ABCD2: variants seen among roughly 807,000 people sequenced by gnomAD.
ABCD2 encodes ATP-binding cassette sub-family D member 2.
In ABCD2, 36 loss-of-function variants were observed where a neutral mutation model predicts 70.9. The observed-to-expected ratio is 0.51, with a 90% confidence interval of 0.39 to 0.67. The LOEUF (loss-of-function observed/expected upper bound fraction) is 0.67, where lower values mean the gene tolerates loss of function less well. Among genes scored for constraint, ABCD2 ranks in the 30% least tolerant of loss-of-function variants. The pLI is 0.00. For missense variants in ABCD2, 729 were observed against 890.2 expected, an observed-to-expected ratio of 0.82 and a Z score of 2.30; for synonymous variants, 304 against 306.9, an observed-to-expected ratio of 0.99 and a Z score of 0.10.
the ABCD2 span, among the ~76,000 whole-genome samples, chr12:39,539,013 C>G: frequency 6.6e-6 from 1 of 152,192 alleles, no homozygotes; most frequent in African/African-American, 2.4e-5. Context: ...CTCATTAAAA[C>G]AGCATGTTGC....
intron 2 of ABCD2, among the ~76,000 whole-genome samples, chr12:39,611,824 T>A (rs1942048634): frequency 6.6e-6 from 1 of 152,096 alleles, no homozygotes; most frequent in African/African-American, 2.4e-5. Flanking sequence ...TGTGTGTGTG[T>A]GTGGTGTGCA....
intron 2 of ABCD2, among the ~76,000 whole-genome samples, chr12:39,609,082 G>A (rs1942011231): frequency 6.6e-6 from 1 of 152,014 alleles, no homozygotes; most frequent in Non-Finnish European, 1.5e-5. Context: ...TTCTTTGAAG[G>A]TCAAGACTGT....
At chr12:39,566,142 A>G (rs1185425748) in intron 9 of ABCD2, among the ~76,000 whole-genome samples, 1 of 152,198 alleles carries the variant, frequency 6.6e-6, no homozygotes, top group Non-Finnish European at 1.5e-5. Context: ...TGCTGGCCTC[A>G]TAAAATGAGT....
intron 8 of ABCD2, among the ~76,000 whole-genome samples, chr12:39,579,219 G>A (rs376957776): frequency 1.2e-4 from 18 of 152,032 alleles, no homozygotes; most frequent in South Asian, 6.2e-4. Flanking sequence ...AAAATTAGCC[G>A]GGCGTGGTGG....
chr12:39,574,791 A>C (rs1366543912), intron 8 of ABCD2, among the ~76,000 whole-genome samples: 1 of 152,158 alleles, frequency 6.6e-6, no homozygotes, highest in Admixed American at 6.6e-5. Context: ...AAAAATGAAA[A>C]TCAGTAATTT....
chr12:39,604,077 G>A (rs577519058), intron 4 of ABCD2, 71 bp from the exon 5 acceptor site: 89 of 1,028,210 alleles, frequency 8.7e-5, no homozygotes, highest in Non-Finnish European at 1.3e-4. Flanking sequence ...AAATTATTAT[G>A]CAGTATAACA....
chr12:39,583,046 G>A (rs1379286399), intron 7 of ABCD2, among the ~76,000 whole-genome samples: 2 of 151,832 alleles, frequency 1.3e-5, no homozygotes, highest in African/African-American at 2.4e-5. Flanking sequence ...GTTTTGTAGG[G>A]AAGTGGTTTC....
intron 9 of ABCD2, among the ~76,000 whole-genome samples, chr12:39,567,865 G>T (rs1373768992): frequency 2.0e-5 from 3 of 151,890 alleles, no homozygotes; most frequent in South Asian, 2.1e-4. Flanking sequence ...TAAAGGATTT[G>T]ATTTCTCCTT....
chr12:39,566,730 C>T (rs1171878737), intron 9 of ABCD2, among the ~76,000 whole-genome samples: 3 of 152,098 alleles, frequency 2.0e-5, no homozygotes, highest in Admixed American at 6.6e-5. Context: ...GTTAGGGTGT[C>T]AATTTTAGAT....
the ABCD2 span, among the ~76,000 whole-genome samples, chr12:39,532,084 A>AC: frequency 3.3e-5 from 5 of 152,252 alleles, no homozygotes; most frequent in African/African-American, 1.2e-4. Context: ...GTGTAGAAAG[A>AC]AGGCATCAAA....
chr12:39,617,009 C>T lies in ABCD2; in HGVS notation c.1099G>A (p.Ala367Thr). The change falls in exon 2 of 10, where the codon GCA (alanine) becomes ACA (threonine). Residue 367 changes from alanine to threonine, a missense_variant. This residue lies in a region of ABCD2 where 195 missense variants were observed against 300.2 expected (regional missense o/e 0.65). Coordinates refer to ENST00000308666, the MANE Select transcript of ABCD2 (RefSeq NM_005164.4). ...LIMVAIPIIT[A>T]TGFADGEDGQ... ...TTACCACCATCTGCAAAGCCAGTTG[C>T]AGTGATAATAGGTATAGCCACCATA... The T allele has an allele frequency of 6.3e-7, 1 of 1,596,624 alleles. No homozygotes were observed. The highest frequency in any genetic ancestry group is 1.8e-5 in the Admixed American group (1 of 55,852).
intron 5 of ABCD2, among the ~76,000 whole-genome samples, chr12:39,602,313 C>A (rs141269069): frequency 6.6e-6 from 1 of 151,714 alleles, no homozygotes; most frequent in East Asian, 1.9e-4. Context: ...CCACAATGCC[C>A]GGCTAATTTT....
At chr12:39,574,981 A>C (rs1390000148) in intron 8 of ABCD2, among the ~76,000 whole-genome samples, 3 of 152,192 alleles carry the variant, frequency 2.0e-5, no homozygotes, top group Non-Finnish European at 4.4e-5. Flanking sequence ...TCTCCATGAC[A>C]ACATCAACAG....
At position 39,560,051 on chromosome 12, in the gene ABCD2, T is replaced by C. The variant is rs1002458493; in HGVS notation, c.2004-5920A>G. Among the ~76,000 whole-genome samples the C allele has an allele frequency of 7.9e-5, 12 of 152,356 alleles. No homozygotes were observed. The South Asian group carries it at 2.1e-3, about 26-fold the overall frequency. ...TATACTTTAAGTTCTAGGGTACATG[T>C]GCACAATGTGCAGGTTTGTTACATA... On this transcript the variant is annotated intron_variant, in intron 9 of 9. Coordinates refer to ENST00000308666, the MANE Select transcript of ABCD2 (RefSeq NM_005164.4).
chr12:39,538,862 C>G, the ABCD2 span, among the ~76,000 whole-genome samples: 1 of 152,146 alleles, frequency 6.6e-6, no homozygotes, highest in Non-Finnish European at 1.5e-5. Flanking sequence ...ATCTGAAGAT[C>G]GAGAAAGACG....
At chr12:39,533,140 G>C in the ABCD2 span, among the ~76,000 whole-genome samples, 3 of 151,964 alleles carry the variant, frequency 2.0e-5, no homozygotes, top group East Asian at 5.8e-4. Context: ...ACTCCAGCCT[G>C]GGTGACAAGA....
chr12:39,567,719 C>G (rs1470188766), intron 9 of ABCD2, among the ~76,000 whole-genome samples: 1 of 152,188 alleles, frequency 6.6e-6, no homozygotes, highest in African/African-American at 2.4e-5. Flanking sequence ...TCTTCCTAGT[C>G]TGCATGGTCT....
At chr12:39,580,156 G>C (rs562751630) in intron 7 of ABCD2, among the ~76,000 whole-genome samples, 9 of 152,216 alleles carry the variant, frequency 5.9e-5, no homozygotes, top group African/African-American at 2.2e-4. Flanking sequence ...CACATGTCTG[G>C]TTTCAACCTC....
intron 7 of ABCD2, among the ~76,000 whole-genome samples, chr12:39,582,377 A>G (rs1018692516): frequency 4.6e-5 from 7 of 152,194 alleles, no homozygotes; most frequent in Non-Finnish European, 8.8e-5. Flanking sequence ...ACATCATTGG[A>G]CTATTATGGA....
Sources: allele counts gnomAD v4.1 joint callset (sites outside exome capture counted in the v4.1 genomes callset), GRCh38; gene constraint gnomAD v4.1.1; regional missense constraint gnomAD v4.1.1; transcripts MANE v1.5; gene names NCBI Gene and HGNC (gene_info 2026-07-23, HGNC 2026-07-21).